Variants in HOATZ observed in about 807,000 individuals in gnomAD.
HOATZ encodes HOATZ cilia and flagella associated protein, also known as cilia- and flagella-associated protein HOATZ.
In HOATZ, 26 loss-of-function variants were observed where a neutral mutation model predicts 24.9. The ratio of observed to expected loss-of-function variants is 1.04; its 90% CI spans 0.76 to 1.45. HOATZ has a LOEUF of 1.45. Among genes scored for constraint, HOATZ ranks in the 40% most tolerant of loss-of-function variants. HOATZ has a pLI of 0.00. For synonymous variants in HOATZ, 83 were observed against 76.6 expected, an observed-to-expected ratio of 1.08 and a Z score of -0.43; for missense variants, 226 against 201.5, an observed-to-expected ratio of 1.12 and a Z score of -0.74.
intron 3 of HOATZ, chr11:111,526,672 G>C (rs935002177): frequency 2.0e-5 from 3 of 152,158 alleles, no homozygotes; most frequent in Non-Finnish European, 4.4e-5. Context: ...ATGCTTTTGA[G>C]AAAAGCAGGT....
intron 3 of HOATZ, among the ~76,000 whole-genome samples, chr11:111,516,998 T>C (rs1487918236): frequency 6.6e-6 from 1 of 152,194 alleles, no homozygotes; most frequent in Non-Finnish European, 1.5e-5. Context: ...CCTGTAACTG[T>C]TCCTATACTG....
At chr11:111,531,835 G>A (rs977720820) in intron 3 of HOATZ, among the ~76,000 whole-genome samples, 18 of 152,172 alleles carry the variant, frequency 1.2e-4, no homozygotes, top group Non-Finnish European at 2.6e-4. Flanking sequence ...CAGCTGCCCA[G>A]CGTGGGCCCC....
chr11:111,519,152 GA>G (rs1032038979), intron 3 of HOATZ: 23 of 385,764 alleles, frequency 6.0e-5, no homozygotes, highest in African/African-American at 4.8e-4. Flanking sequence ...AAAGAGAAAT[GA>G]TTTTTTTTAA....
At position 111,536,781 on chromosome 11, in the gene HOATZ, C is replaced by A; in HGVS notation, c.464C>A (p.Ser155Ter). 1 of 1,613,284 alleles carries A rather than the reference C, an allele frequency of 6.2e-7. No individual in the cohort carries two copies. The highest frequency in any genetic ancestry group is 1.1e-5 in the South Asian group (1 of 91,056). The change falls in exon 6 of 6, where the codon TCA becomes TAA. Residue 155 changes from serine to a stop codon, truncating the protein, a stop_gained. Coordinates refer to ENST00000375618, the MANE Select transcript of HOATZ (RefSeq NM_001100388.2). LOFTEE classifies it high-confidence loss of function. Reference protein sequence around the residue: ...AKEHKAKKVVSESDKEDQEEV... With the variant: ...AKEHKAKKVV The stretch of plus-strand genomic sequence containing the variant: ...ATTACTACCAACAGGAAAGTGGTAT[C>A]AGAGTCAGATAAAGAGGACCAAGAA...
chr11:111,525,118 A>C (rs1204129806), intron 3 of HOATZ, among the ~76,000 whole-genome samples: 12 of 151,986 alleles, frequency 7.9e-5, no homozygotes, highest in African/African-American at 2.4e-5. Flanking sequence ...CGATTTGCCC[A>C]CCTCGGCCTC....
Position 111,515,530 on chromosome 11 carries a change from G to A in HOATZ, c.246G>A (p.Gln82=). ...SRGSENSHSS[Q]SFHLASNKNR... ...TTTTAGAAAACAGCCACTCCTCGCA[G>A]TCTTTTCACCTTGCGAGTAACAGTA... The change falls in exon 2 of 6, where the codon CAG becomes CAA. Residue 82 remains glutamine, a synonymous_variant. Coordinates refer to ENST00000375618, the MANE Select transcript of HOATZ (RefSeq NM_001100388.2). 1 of 1,613,680 alleles carries A rather than the reference G, an allele frequency of 6.2e-7. No homozygotes were observed. Among genetic ancestry groups the A allele is most frequent in the Non-Finnish European group, 8.5e-7 (1 of 1,179,668 alleles).
chr11:111,519,760 T>A (rs923776731), intron 3 of HOATZ, among the ~76,000 whole-genome samples: 11 of 152,246 alleles, frequency 7.2e-5, no homozygotes, highest in African/African-American at 2.7e-4. Context: ...ATTCCAGGTA[T>A]AATTTTCATC....
intron 3 of HOATZ, among the ~76,000 whole-genome samples, chr11:111,530,052 G>A (rs1867379253): frequency 6.6e-6 from 1 of 152,004 alleles, no homozygotes; most frequent in African/African-American, 2.4e-5. Flanking sequence ...GATTTTAAAA[G>A]CACTGAAAGA....
At chr11:111,533,649 C>A in intron 3 of HOATZ, 97 bp from the exon 4 acceptor site, 1 of 788,332 alleles carries the variant, frequency 1.3e-6, no homozygotes, top group Non-Finnish European at 2.0e-6. Context: ...TTTTAAAATT[C>A]TGCCAATACA....
At chr11:111,522,034 T>C (rs1253027264) in intron 3 of HOATZ, among the ~76,000 whole-genome samples, 1 of 152,204 alleles carries the variant, frequency 6.6e-6, no homozygotes, top group Non-Finnish European at 1.5e-5. Flanking sequence ...ATTTGTCCCA[T>C]ATAGACCCAG....
intron 3 of HOATZ, among the ~76,000 whole-genome samples, chr11:111,529,802 T>A (rs1197227561): frequency 6.6e-6 from 1 of 152,336 alleles, no homozygotes; most frequent in African/African-American, 2.4e-5. Flanking sequence ...GAGCTTTTTT[T>A]ATAATTGAAT....
chr11:111,524,707 C>A (rs1419571959), intron 3 of HOATZ, among the ~76,000 whole-genome samples: 1 of 152,106 alleles, frequency 6.6e-6, no homozygotes, highest in Non-Finnish European at 1.5e-5. Flanking sequence ...AAGTTTAGAA[C>A]CATCAATATA....
chr11:111,535,528 C>G (rs1481298563), intron 5 of HOATZ: 1 of 152,240 alleles, frequency 6.6e-6, no homozygotes, highest in East Asian at 1.9e-4. Context: ...CCGGCTTGGA[C>G]AGATAATTCT....
chr11:111,518,673 T>C (rs1867234826), intron 3 of HOATZ, among the ~76,000 whole-genome samples: 1 of 152,224 alleles, frequency 6.6e-6, no homozygotes, highest in Non-Finnish European at 1.5e-5. Context: ...ACTATGGCAT[T>C]GTTCAAGTAT....
At chr11:111,526,942 A>C (rs923732439) in intron 3 of HOATZ, among the ~76,000 whole-genome samples, 10 of 152,220 alleles carry the variant, frequency 6.6e-5, no homozygotes, top group African/African-American at 2.4e-4. Flanking sequence ...AATTATTGCA[A>C]ACTGAATCAT....
In HOATZ at chr11:111,514,927, C is replaced by T. The variant is rs564615586; in HGVS notation, c.143C>T (p.Pro48Leu). The T allele has an allele frequency of 1.2e-6, 2 of 1,614,036 alleles. No individual in the cohort carries two copies. The highest frequency in any genetic ancestry group is 1.7e-6 in the Non-Finnish European group (2 of 1,180,018). ...KQFWISASMYPPSESQLVLRR... is the reference protein window; with the variant it reads ...KQFWISASMYLPSESQLVLRR... ...TTCTGGATCTCGGCGTCGATGTATC[C>T]CCCTAGCGAATCTCAGCTGGTGCTG... is the stretch of plus-strand genomic sequence containing the variant. The change falls in exon 1 of 6, where the codon CCC becomes CTC. Residue 48 changes from proline to leucine, a missense_variant. Transcript: ENST00000375618.
rs1867427862 is a variant in HOATZ at position 111,534,530 on chromosome 11, T to C, written c.452+66T>C. 2.4e-6 allele frequency: 3 copies of C among 1,261,562 alleles called. No homozygotes were observed. In the Admixed American group the frequency reaches 5.4e-5, roughly 23 times the overall value. 78.1% of individuals were successfully genotyped at this position (1,261,562 alleles called of 1,614,324 possible). On this transcript the variant is annotated intron_variant, in intron 5 of 5. Coordinates refer to ENST00000375618, the MANE Select transcript of HOATZ (RefSeq NM_001100388.2). ...CTTACTGTGTAGGGAAGCATTTCTT[T>C]TTTCTTACTTTGCCACTTACCCTTA...
At chr11:111,533,899 AGCTAGC>A in intron 4 of HOATZ, 94 bp downstream of exon 4, 1 of 847,842 alleles carries the variant, frequency 1.2e-6, no homozygotes, top group Non-Finnish European at 1.8e-6. Flanking sequence ...CCTTAAATCT[AGCTAGC>A]TATAGTCCAG....
chr11:111,527,251 A>G (rs999011456), intron 3 of HOATZ, among the ~76,000 whole-genome samples: 3 of 152,228 alleles, frequency 2.0e-5, no homozygotes, highest in Non-Finnish European at 2.9e-5. Flanking sequence ...CCAAGAAAAT[A>G]CACATTTTTT....
Sources: allele counts gnomAD v4.1 joint callset (sites outside exome capture counted in the v4.1 genomes callset), GRCh38; gene constraint gnomAD v4.1.1; transcripts MANE v1.5; gene names NCBI Gene and HGNC (gene_info 2026-07-23, HGNC 2026-07-21).